The following PHLPP2 variants were observed in gnomAD, a reference collection of about 807,000 sequenced individuals.
PHLPP2 encodes PH domain leucine-rich repeat-containing protein phosphatase 2.
A neutral mutation model predicts 124.9 loss-of-function variants in PHLPP2; 66 were observed. The ratio of observed to expected loss-of-function variants is 0.53; its 90% CI spans 0.43 to 0.65. The LOEUF (loss-of-function observed/expected upper bound fraction) is 0.65, where lower values mean the gene tolerates loss of function less well. Among genes scored for constraint, PHLPP2 ranks in the 30% least tolerant of loss-of-function variants. The pLI is 0.00. For synonymous variants in PHLPP2, 681 were observed against 624.7 expected, an observed-to-expected ratio of 1.09 and a Z score of -1.34; for missense variants, 1,685 against 1,600.4, an observed-to-expected ratio of 1.05 and a Z score of -0.90.
At chr16:71,712,935 G>A (rs1342429280) in intron 2 of PHLPP2, among the ~76,000 whole-genome samples, 1 of 152,122 alleles carries the variant, frequency 6.6e-6, no homozygotes, top group Non-Finnish European at 1.5e-5. Context: ...AAAAATCATG[G>A]TCAGGCATTT....
intron 3 of PHLPP2, among the ~76,000 whole-genome samples, chr16:71,691,292 A>C (rs371410893): frequency 1.3e-5 from 2 of 152,098 alleles, no homozygotes; most frequent in African/African-American, 4.8e-5. Context: ...GTCTCTACTA[A>C]AAATACAAAA....
At position 71,646,370 on chromosome 16, in the gene PHLPP2, G is replaced by T. The variant is rs2044653424; in HGVS notation, c.*2520C>A. ...CAAAGATTTTCAATACAACCTAATG[G>T]TTCCTGAAAAAAAATTCTACCACAC... On this transcript the variant is annotated 3_prime_UTR_variant, in exon 19 of 19. Transcript: ENST00000568954. 1 of 151,978 alleles carries T rather than the reference G, an allele frequency of 6.6e-6. No individual in the cohort carries two copies. Among genetic ancestry groups the T allele is most frequent in the Non-Finnish European group, 1.5e-5 (1 of 67,992 alleles). The allele number at this position is 151,978 out of a possible 1,614,324, so 9.4% of individuals were successfully genotyped here. A position where few individuals can be genotyped will look rare whatever the true frequency, so the allele number is the denominator to read the frequency against.
intron 2 of PHLPP2, among the ~76,000 whole-genome samples, chr16:71,711,730 T>C (rs1027119103): frequency 7.9e-5 from 12 of 152,230 alleles, no homozygotes; most frequent in African/African-American, 2.9e-4. Context: ...TCGGTGAACA[T>C]ACTTCAGTAA....
At chr16:71,668,006 C>G (rs2044853983) in intron 11 of PHLPP2, among the ~76,000 whole-genome samples, 1 of 152,178 alleles carries the variant, frequency 6.6e-6, no homozygotes, top group Admixed American at 6.5e-5. Context: ...TTAGAAAAAT[C>G]CCATCATCTA....
Position 71,658,221 on chromosome 16 carries a change from A to G in PHLPP2, c.2279+12T>C. 6.2e-7 allele frequency: 1 copy of G among 1,612,050 alleles called. No individual in the cohort carries two copies. The highest frequency in any genetic ancestry group is 1.1e-5 in the South Asian group (1 of 90,826). On this transcript the variant is annotated intron_variant, in intron 15 of 18. Transcript: ENST00000568954. The stretch of plus-strand genomic sequence containing the variant: ...AGAGCACATAGAGATTCCATTTCAA[A>G]TTTTTTCCTACCTAAATATGTCCAG...
rs1158035546 is a variant in PHLPP2 at position 71,684,700 on chromosome 16, ATAGT to A, written c.610-103_610-100del. The stretch of plus-strand genomic sequence containing the variant: ...AAGACGAACAACTGAATTTTTAAAA[ATAGT>A]TATTTTTTATTTTTTCTCTCTCCCT... On this transcript the variant is annotated intron_variant, in intron 4 of 18. Coordinates refer to ENST00000568954, the MANE Select transcript of PHLPP2 (RefSeq NM_015020.3). The A allele has an allele frequency of 3.4e-6, 4 of 1,189,262 alleles. No homozygotes were observed. In the African/African-American group the frequency reaches 6.2e-5, roughly 18 times the overall value. The allele number at this position is 1,189,262 out of a possible 1,614,324, so 73.7% of individuals were successfully genotyped here. A position where few individuals can be genotyped will look rare whatever the true frequency, so the allele number is the denominator to read the frequency against.
At chr16:71,706,558 G>A (rs2045275748) in intron 2 of PHLPP2, among the ~76,000 whole-genome samples, 1 of 152,060 alleles carries the variant, frequency 6.6e-6, no homozygotes, top group African/African-American at 2.4e-5. Context: ...GGTAAAATCT[G>A]CAAATGTTAA....
chr16:71,651,309 G>C (rs1241549053), intron 18 of PHLPP2, among the ~76,000 whole-genome samples: 4 of 150,426 alleles, frequency 2.7e-5, no homozygotes, highest in African/African-American at 7.4e-5. Flanking sequence ...TTGCACTCCA[G>C]CCTAGGCAAT....
In PHLPP2 at chr16:71,650,018, G is replaced by A. The variant is rs1464245556; in HGVS notation, c.2844C>T (p.Cys948=). 6.2e-7 allele frequency: 1 copy of A among 1,609,654 alleles called. No individual in the cohort carries two copies. Residue 948 remains cysteine (C), a synonymous_variant, in exon 19 of 19, where the codon TGC becomes TGT. Transcript: ENST00000568954. Reference sequence around the variant, plus strand: ...ATGTACAGCCCAGCATCCGGGTACAGCAGGTTACCCCATTCACTTTGTTGT... The same window carrying A: ...ATGTACAGCCCAGCATCCGGGTACAACAGGTTACCCCATTCACTTTGTTGT... The part of the protein sequence containing the change: ...TEDNKVNGVT[C]CTRMLGCTYL...
intron 3 of PHLPP2, chr16:71,698,645 C>G (rs1359155242): frequency 1.7e-6 from 1 of 584,596 alleles, no homozygotes; most frequent in African/African-American, 1.8e-5. Flanking sequence ...CTGTGGGCAG[C>G]CATTGTACAC....
rs756241891 is a variant in PHLPP2 at position 71,678,837 on chromosome 16, CTCTA to C, written c.1182_1185del (p.Asp394GlufsTer12). ...TCCAGGCAATTTCCTGCCATAACCA[CTCTA>C]TCTAACATAGTGAGTTTCTCATAAA... On this transcript the variant is annotated frameshift_variant, in exon 8 of 19. Transcript: ENST00000568954. LOFTEE classifies it high-confidence loss of function. The C allele has an allele frequency of 3.7e-6, 6 of 1,612,648 alleles. No individual in the cohort carries two copies. Among genetic ancestry groups the C allele is most frequent in the Non-Finnish European group, 5.1e-6 (6 of 1,178,662 alleles).
In PHLPP2 at chr16:71,709,243, A is replaced by C. The variant is rs556982953; in HGVS notation, c.284+5269T>G. On this transcript the variant is annotated intron_variant, in intron 2 of 18. Coordinates refer to ENST00000568954, the MANE Select transcript of PHLPP2 (RefSeq NM_015020.3). ...TATGTATCCTAAAACAGGATGTTTC[A>C]TTCCACCTTTATAATTTCAAAATAT... Among the ~76,000 whole-genome samples the C allele has an allele frequency of 7.9e-5, 12 of 152,296 alleles. No homozygotes were observed. The South Asian group carries it at 2.5e-3, about 32-fold the overall frequency.
intron 1 of PHLPP2, among the ~76,000 whole-genome samples, chr16:71,716,069 A>G (rs1479946730): frequency 1.3e-5 from 2 of 152,124 alleles, no homozygotes; most frequent in African/African-American, 4.8e-5. Context: ...CTAATCCTTA[A>G]CAATACTTAT....
chr16:71,690,281 T>C (rs368477758), intron 4 of PHLPP2, among the ~76,000 whole-genome samples: 1 of 152,210 alleles, frequency 6.6e-6, no homozygotes, highest in Non-Finnish European at 1.5e-5. Context: ...CTGGCTATTG[T>C]GAGCCCCAGA....
intron 4 of PHLPP2, 150 bp from the exon 5 acceptor site, chr16:71,684,751 A>G (rs1425232020): frequency 1.5e-6 from 1 of 654,296 alleles, no homozygotes; most frequent in Non-Finnish European, 2.5e-6. Flanking sequence ...TCCATCTGCC[A>G]ATGGGTCACA....
At chr16:71,669,092 T>A (rs180689085) in intron 11 of PHLPP2, among the ~76,000 whole-genome samples, 183 bp downstream of exon 11, 1 of 152,336 alleles carries the variant, frequency 6.6e-6, no homozygotes, top group African/African-American at 2.4e-5. Context: ...ATTAAGTTCC[T>A]TGCAAGCCAA....
At position 71,710,497 on chromosome 16, in the gene PHLPP2, G is replaced by C. The variant is rs138244005; in HGVS notation, c.284+4015C>G. Among the ~76,000 whole-genome samples, 89 of 152,272 alleles carry C rather than the reference G, an allele frequency of 5.8e-4. 3 individuals carry two copies. In the East Asian group the frequency reaches 0.013, roughly 23 times the overall value. On this transcript the variant is annotated intron_variant, in intron 2 of 18. Coordinates refer to ENST00000568954, the MANE Select transcript of PHLPP2 (RefSeq NM_015020.3). Reference sequence around the variant, plus strand: ...AAATCAGCAATGTGACAATACATGGGCAATGGTTTAGTCAATGCAACACCA... The same window carrying C: ...AAATCAGCAATGTGACAATACATGGCCAATGGTTTAGTCAATGCAACACCA...
intron 4 of PHLPP2, among the ~76,000 whole-genome samples, chr16:71,686,635 T>C (rs2045057738): frequency 1.3e-5 from 2 of 152,194 alleles, no homozygotes; most frequent in African/African-American, 4.8e-5. Context: ...CTGTTTTCTA[T>C]CACTACAATT....
intron 2 of PHLPP2, among the ~76,000 whole-genome samples, chr16:71,707,116 G>A (rs983765155): frequency 3.3e-5 from 5 of 151,352 alleles, no homozygotes; most frequent in Non-Finnish European, 7.4e-5. Context: ...CACCTCGCCC[G>A]GCTAATTTTT....
Sources: gnomAD v4.1 joint callset for allele counts (sites outside exome capture counted in the v4.1 genomes callset) on GRCh38, gnomAD v4.1.1 for gene constraint, MANE v1.5 for transcripts, NCBI Gene and HGNC (gene_info 2026-07-23, HGNC 2026-07-21) for gene names.